NFYC: variants seen among roughly 807,000 people sequenced by gnomAD.
The protein encoded by NFYC is CAAT box DNA-binding protein subunit C.
A neutral mutation model predicts 53.1 loss-of-function variants in NFYC; 25 were observed. That is an observed-to-expected ratio of 0.47 (90% CI 0.34 to 0.66). NFYC has a LOEUF of 0.66. Ranked by LOEUF, NFYC falls within the 30% of genes least tolerant of loss-of-function variation. The pLI is 0.01. For missense variants in NFYC, 260 were observed against 422.7 expected (o/e 0.62, Z 3.38); for synonymous variants, 145 against 152.6 (o/e 0.95, Z 0.37).
intron 2 of NFYC, among the ~76,000 whole-genome samples, chr1:40,744,384 C>T (rs1441670107): frequency 6.6e-6 from 1 of 152,218 alleles, no homozygotes; most frequent in Admixed American, 6.5e-5. Context: ...TGATTCTAAC[C>T]TGCAGCCCCA....
At chr1:40,718,747 A>G (rs1169052001) in intron 1 of NFYC, among the ~76,000 whole-genome samples, 4 of 152,214 alleles carry the variant, frequency 2.6e-5, no homozygotes, top group African/African-American at 9.7e-5. Context: ...ATTCTATGGT[A>G]TTCCTTAGCT....
At chr1:40,750,992 C>T (rs911506796) in intron 4 of NFYC, among the ~76,000 whole-genome samples, 1 of 152,180 alleles carries the variant, frequency 6.6e-6, no homozygotes, top group Non-Finnish European at 1.5e-5. Context: ...TAGACATTTT[C>T]TGATAAACAT....
intron 1 of NFYC, among the ~76,000 whole-genome samples, chr1:40,693,337 A>G (rs896086180): frequency 3.9e-5 from 6 of 152,080 alleles, no homozygotes; most frequent in Middle Eastern, 3.2e-3. Flanking sequence ...ATTGCTTTAC[A>G]TTTGCTCGTC....
intron 1 of NFYC, among the ~76,000 whole-genome samples, chr1:40,730,195 CTTTTTTTTTTTT>C (rs34045698): frequency 1.3e-4 from 13 of 102,020 alleles, no homozygotes; most frequent in Non-Finnish European, 2.5e-4. Flanking sequence ...TCTTTCTTTT[CTTTTTTTTTTTT>C]TTTTTTTTTT....
rs145799551 is a variant in NFYC, at chr1:40,733,182, G to A, written c.-8-5654G>A. ...GCTTGTATAGCAGGAGGGGAAATAA[G>A]ACATACACATTGATGTGTATGTCAT... On this transcript the variant is annotated intron_variant, in intron 1 of 9. Coordinates refer to ENST00000447388, the MANE Select transcript of NFYC (RefSeq NM_014223.5). Among the ~76,000 whole-genome samples the A allele has an allele frequency of 5.0e-3, 754 of 152,048 alleles. 5 individuals are homozygous for A. Among genetic ancestry groups the A allele is most frequent in the African/African-American group, 0.018 (731 of 41,466 alleles).
intron 1 of NFYC, among the ~76,000 whole-genome samples, chr1:40,710,417 A>C (rs1643893229): frequency 6.6e-6 from 1 of 152,202 alleles, no homozygotes; most frequent in Non-Finnish European, 1.5e-5. Context: ...TGCCCTTGAT[A>C]TGTATATATT....
intron 4 of NFYC, among the ~76,000 whole-genome samples, chr1:40,751,592 T>C (rs899977604): frequency 3.3e-5 from 5 of 152,000 alleles, no homozygotes; most frequent in African/African-American, 1.2e-4. Context: ...TTGTTGTTGT[T>C]GTAGAGATGA....
chr1:40,722,331 A>G (rs780022179), intron 1 of NFYC, among the ~76,000 whole-genome samples: 11 of 152,156 alleles, frequency 7.2e-5, no homozygotes, highest in Non-Finnish European at 1.5e-4. Context: ...CTTTTTTGGA[A>G]CTAGTACATT....
intron 3 of NFYC, among the ~76,000 whole-genome samples, chr1:40,749,353 G>T (rs543872143): frequency 2.0e-5 from 3 of 152,120 alleles, no homozygotes; most frequent in Non-Finnish European, 4.4e-5. Context: ...AAAACACCTT[G>T]CACAAGGTTT....
intron 1 of NFYC, among the ~76,000 whole-genome samples, chr1:40,717,084 T>C (rs971735434): frequency 2.6e-5 from 4 of 152,160 alleles, no homozygotes; most frequent in African/African-American, 4.8e-5. Flanking sequence ...TGGAGAAATA[T>C]CAAAATTGGT....
At chr1:40,699,772 T>A (rs1200217822) in intron 1 of NFYC, among the ~76,000 whole-genome samples, 3 of 152,234 alleles carry the variant, frequency 2.0e-5, no homozygotes, top group African/African-American at 7.2e-5. Context: ...TAGAGTAGCA[T>A]TTCCCAAGCT....
intron 1 of NFYC, among the ~76,000 whole-genome samples, chr1:40,714,914 A>T (rs1482930648): frequency 2.4e-4 from 36 of 151,812 alleles, no homozygotes; most frequent in Non-Finnish European, 7.4e-5. Context: ...CCTCATCTCT[A>T]CTAAAAATAC....
At chr1:40,751,025 C>G (rs1645884984) in intron 4 of NFYC, among the ~76,000 whole-genome samples, 1 of 152,204 alleles carries the variant, frequency 6.6e-6, no homozygotes, top group Admixed American at 6.5e-5. Context: ...TGTAACCCAG[C>G]CATTTCATTC....
chr1:40,765,897 A>G (rs1342077652), intron 7 of NFYC, among the ~76,000 whole-genome samples: 1 of 152,218 alleles, frequency 6.6e-6, no homozygotes, highest in Non-Finnish European at 1.5e-5. Flanking sequence ...CTGAGATTTA[A>G]TCGTAAGCAT....
chr1:40,765,553 T>C (rs1252656565), intron 7 of NFYC, among the ~76,000 whole-genome samples: 2 of 152,246 alleles, frequency 1.3e-5, no homozygotes, highest in African/African-American at 4.8e-5. Flanking sequence ...GAGGCAATAC[T>C]TGCCTGTTAG....
chr1:40,738,848 C>T lies in NFYC; in HGVS notation c.5C>T (p.Ser2Phe). The change falls in exon 2 of 10, where the codon TCC (serine) becomes TTC (phenylalanine). Residue 2 changes from serine (S) to phenylalanine (F), a missense_variant. Physicochemically the swap from Ser to Phe is radical, Grantham distance 155. Transcript: ENST00000447388. M[S>F]TEGGFGGTSS... Reference sequence around the variant, plus strand: ...TGTTTATTTTCAGTTGTCGAGATGTCCACAGAAGGAGGATTTGGTGGTACT... The same window carrying T: ...TGTTTATTTTCAGTTGTCGAGATGTTCACAGAAGGAGGATTTGGTGGTACT... The T allele has an allele frequency of 6.2e-7, 1 of 1,613,552 alleles. No individual in the cohort carries two copies. Among genetic ancestry groups the T allele is most frequent in the Non-Finnish European group, 8.5e-7 (1 of 1,179,492 alleles).
intron 1 of NFYC, chr1:40,735,594 C>T (rs889113385): frequency 1.0e-4 from 99 of 985,328 alleles, no homozygotes; most frequent in Middle Eastern, 5.2e-4. Context: ...ACTTTTAAAT[C>T]GTACAGGTCT....
intron 1 of NFYC, among the ~76,000 whole-genome samples, chr1:40,733,803 G>T (rs1391360623): frequency 1.3e-5 from 2 of 151,966 alleles, no homozygotes; most frequent in African/African-American, 4.8e-5. Flanking sequence ...TTGTGCAGTG[G>T]CATTATCTTG....
chr1:40,767,313 C>G, intron 8 of NFYC: 1 of 308,442 alleles, frequency 3.2e-6, no homozygotes, highest in South Asian at 3.5e-5. Flanking sequence ...TGCCTCAGAC[C>G]CAAAAAAAGC....
Sources: gnomAD v4.1 joint callset for allele counts (sites outside exome capture counted in the v4.1 genomes callset) on GRCh38, gnomAD v4.1.1 for gene constraint, MANE v1.5 for transcripts, NCBI Gene and HGNC (gene_info 2026-07-23, HGNC 2026-07-21) for gene names.